DNAH6: variants seen among roughly 807,000 people sequenced by gnomAD.
The protein encoded by DNAH6 is dynein axonemal heavy chain 6, also known as axonemal beta dynein heavy chain 6.
Under a neutral mutation model 491.4 loss-of-function variants are expected in DNAH6, and 340 were observed. The ratio of observed to expected loss-of-function variants is 0.69; its 90% CI spans 0.63 to 0.76. DNAH6 has a LOEUF of 0.76. DNAH6 is among the 30% of genes least tolerant of loss of function. The pLI, the probability that DNAH6 is intolerant of heterozygous loss-of-function variation, is 0.00. For synonymous variants in DNAH6, 1,603 were observed against 1,686.1 expected (o/e 0.95, Z 1.21); for missense variants, 4,443 against 4,972.2 (o/e 0.89, Z 3.20).
At chr2:84,755,880 G>A (rs1043809786) in intron 63 of DNAH6, among the ~76,000 whole-genome samples, 4 of 152,132 alleles carry the variant, frequency 2.6e-5, no homozygotes, top group African/African-American at 4.8e-5. Flanking sequence ...ATTGAATCAC[G>A]GGAGCAAATC....
intron 68 of DNAH6, among the ~76,000 whole-genome samples, chr2:84,792,099 A>T (rs1248131863): frequency 6.6e-6 from 1 of 152,228 alleles, no homozygotes; most frequent in Non-Finnish European, 1.5e-5. Context: ...CCTGACTGAC[A>T]TTATGCTAAG....
intron 47 of DNAH6, 92 bp downstream of exon 47, chr2:84,697,819 T>C: frequency 7.2e-7 from 1 of 1,381,184 alleles, no homozygotes; most frequent in Non-Finnish European, 9.9e-7. Context: ...AAGGGGTCCA[T>C]GAATAAAATT....
Position 84,713,080 on chromosome 2 carries a change from G to A in DNAH6, c.9379-15G>A. 6.5e-7 allele frequency: 1 copy of A among 1,545,034 alleles called. No homozygotes were observed. On this transcript the variant is annotated splice_polypyrimidine_tract_variant and intron_variant, in intron 56 of 76. Coordinates refer to ENST00000389394, the MANE Select transcript of DNAH6 (RefSeq NM_001370.2). ...GCTTCTTTTTGTATTGTCCTGTTTT[G>A]TTTTAATTTCTAAGCTTAAGGAAAC...
chr2:84,624,636 C>T lies in DNAH6; in HGVS notation c.4353+16C>T, dbSNP rs915646931. The T allele has an allele frequency of 3.5e-5, 55 of 1,549,446 alleles. No homozygotes were observed. Among genetic ancestry groups the T allele is most frequent in the Non-Finnish European group, 4.6e-5 (53 of 1,145,858 alleles). ...TCCACTCACAGTAAGTTATTGATCA[C>T]TTGGGTTAATATTGACACAAGAGTG... On this transcript the variant is annotated intron_variant, in intron 28 of 76. Coordinates refer to ENST00000389394, the MANE Select transcript of DNAH6 (RefSeq NM_001370.2).
At chr2:84,477,368 A>C in the DNAH6 span, among the ~76,000 whole-genome samples, 2 of 152,206 alleles carry the variant, frequency 1.3e-5, no homozygotes, top group Non-Finnish European at 2.9e-5. Flanking sequence ...TCCAGAGGAC[A>C]TTATGTCAGA....
chr2:84,481,292 C>A, the DNAH6 span, among the ~76,000 whole-genome samples: 1 of 152,164 alleles, frequency 6.6e-6, no homozygotes, highest in Non-Finnish European at 1.5e-5. Context: ...CAAAGACTTT[C>A]AAATGCATGC....
intron 40 of DNAH6, among the ~76,000 whole-genome samples, chr2:84,674,677 A>G (rs764131293): frequency 1.3e-5 from 2 of 152,182 alleles, no homozygotes; most frequent in Non-Finnish European, 2.9e-5. Flanking sequence ...AAGTTTATCT[A>G]ACTTTATCTT....
chr2:84,710,654 A>G (rs1696949543), intron 56 of DNAH6, among the ~76,000 whole-genome samples: 2 of 152,188 alleles, frequency 1.3e-5, no homozygotes, highest in African/African-American at 4.8e-5. Flanking sequence ...GTTTCCTGAC[A>G]CTGCTGTTTC....
At position 84,707,581 on chromosome 2, in the gene DNAH6, A is replaced by G. The variant is rs1242269140; in HGVS notation, c.8913A>G (p.Leu2971=). 1.6e-5 allele frequency: 25 copies of G among 1,552,128 alleles called. No individual in the cohort carries two copies. The highest frequency in any genetic ancestry group is 2.2e-5 in the Non-Finnish European group (25 of 1,147,082). Residue 2971 remains leucine (L), a synonymous_variant, in exon 54 of 77, where the codon TTA becomes TTG. Transcript: ENST00000389394. The part of the protein sequence containing the change: ...LVRAGKLTAA[L]EDEQVRWEES... ...GTGCTGGAAAGCTGACAGCAGCATT[A>G]GAAGATGAGCAGGTTCGATGGGAAG...
chr2:84,529,881 A>G (rs1445523859), intron 4 of DNAH6, among the ~76,000 whole-genome samples: 1 of 152,194 alleles, frequency 6.6e-6, no homozygotes, highest in Non-Finnish European at 1.5e-5. Context: ...ATTCAGCACC[A>G]TAGTTTCAAC....
chr2:84,722,544 G>T, intron 59 of DNAH6, 81 bp from the exon 60 acceptor site: 1 of 1,214,002 alleles, frequency 8.2e-7, no homozygotes, highest in South Asian at 1.5e-5. Flanking sequence ...TTCTTCCCTA[G>T]ACCTAACTGG....
Position 84,681,384 on chromosome 2 carries a change from T to G in DNAH6, c.6772T>G (p.Phe2258Val), listed in dbSNP as rs767016897. The change falls in exon 42 of 77, where the codon TTT becomes GTT. Residue 2258 changes from phenylalanine (F) to valine (V), a missense_variant. Phe to Val is a conservative substitution (Grantham distance 50). Around this residue, in one of 3 missense-constraint regions of DNAH6, gnomAD observed 2,977 missense variants for 3,296.6 expected, o/e 0.90. Transcript: ENST00000389394. ...QAILNGFLSDFPPAVKQTASS... is the reference protein window; with the variant it reads ...QAILNGFLSDVPPAVKQTASS... Reference sequence around the variant, plus strand: ...CATCTTAAATGGTTTCCTGAGTGACTTTCCACCAGCTGTAAAGCAAACTGC... The same window carrying G: ...CATCTTAAATGGTTTCCTGAGTGACGTTCCACCAGCTGTAAAGCAAACTGC... 3 of 1,549,110 alleles carry G rather than the reference T, an allele frequency of 1.9e-6. No individual in the cohort carries two copies. Among genetic ancestry groups the G allele is most frequent in the Non-Finnish European group, 2.6e-6 (3 of 1,145,900 alleles).
At chr2:84,550,158 A>G (rs1287937531) in intron 9 of DNAH6, 101 bp downstream of exon 9, 3 of 986,028 alleles carry the variant, frequency 3.0e-6, no homozygotes, top group Non-Finnish European at 4.3e-6. Context: ...ACTAAAAAAA[A>G]AAGAGAAATG....
intron 37 of DNAH6, among the ~76,000 whole-genome samples, chr2:84,667,466 A>G (rs1335417011): frequency 1.3e-5 from 2 of 152,236 alleles, no homozygotes; most frequent in Non-Finnish European, 2.9e-5. Flanking sequence ...TTCTCAAAAG[A>G]AGACATTTAT....
chr2:84,802,684 C>G (rs1454022213), intron 70 of DNAH6, among the ~76,000 whole-genome samples: 1 of 152,152 alleles, frequency 6.6e-6, no homozygotes, highest in African/African-American at 2.4e-5. Context: ...AAATTCTAGA[C>G]CTAAATTCAA....
Position 84,624,553 on chromosome 2 carries a change from T to A in DNAH6, c.4286T>A (p.Leu1429His). The A allele has an allele frequency of 6.4e-7, 1 of 1,551,716 alleles. No homozygotes were observed. The highest frequency in any genetic ancestry group is 8.7e-7 in the Non-Finnish European group (1 of 1,146,948). ...GATAATTGTGTGGCTAGAATGGCGCTCTCTCAGTACACTTATGGCTATGAA... is the reference window on the plus strand; with the variant it reads ...GATAATTGTGTGGCTAGAATGGCGCACTCTCAGTACACTTATGGCTATGAA... ...DLDNCVARMA[L>H]SQYTYGYEYL... The change falls in exon 28 of 77, where the codon CTC becomes CAC. Residue 1429 changes from leucine (L) to histidine (H), a missense_variant. Physicochemically the swap from Leu to His is moderately conservative, Grantham distance 99. This residue lies in a region of DNAH6 where 2,977 missense variants were observed against 3,296.6 expected (regional missense o/e 0.90). Transcript: ENST00000389394.
chr2:84,778,187 G>A, intron 64 of DNAH6: 1 of 704,254 alleles, frequency 1.4e-6, no homozygotes, highest in South Asian at 1.5e-5. Flanking sequence ...TCTTCCTGTA[G>A]AAGATTATGA....
the DNAH6 span, among the ~76,000 whole-genome samples, chr2:84,477,187 C>T: frequency 2.6e-5 from 4 of 152,190 alleles, no homozygotes; most frequent in African/African-American, 9.7e-5. Flanking sequence ...GGTAATCCAA[C>T]AAAGAAACAG....
chr2:84,699,844 T>C, intron 48 of DNAH6, 110 bp downstream of exon 48: 3 of 1,038,576 alleles, frequency 2.9e-6, no homozygotes, highest in Non-Finnish European at 4.0e-6. Context: ...CTTTAAAGCC[T>C]ACTAGGAATT....
Sources: gnomAD v4.1 joint callset for allele counts (sites outside exome capture counted in the v4.1 genomes callset) on GRCh38, gnomAD v4.1.1 for gene constraint, gnomAD v4.1.1 regional missense constraint, MANE v1.5 for transcripts, NCBI Gene and HGNC (gene_info 2026-07-23, HGNC 2026-07-21) for gene names.